Variants in FAM184B observed in about 807,000 individuals in gnomAD.
FAM184B encodes protein FAM184B.
FAM184B carries 111 observed loss-of-function variants against 135.9 expected under a neutral mutation model. The ratio of observed to expected loss-of-function variants is 0.82; its 90% CI spans 0.70 to 0.96. The LOEUF (loss-of-function observed/expected upper bound fraction) is 0.96. Ranked by LOEUF, FAM184B falls within the 40% of genes least tolerant of loss-of-function variation. The pLI, the probability that FAM184B is intolerant of heterozygous loss-of-function variation, is 0.00. For missense variants in FAM184B, 1,375 were observed against 1,323.9 expected (o/e 1.04, Z -0.60); for synonymous variants, 552 against 524.8 (o/e 1.05, Z -0.71).
intron 1 of FAM184B, among the ~76,000 whole-genome samples, chr4:17,765,207 A>G (rs1265519298): frequency 6.6e-6 from 1 of 152,152 alleles, no homozygotes; most frequent in African/African-American, 2.4e-5. Context: ...CCGAGTCAGG[A>G]CCTCAGCACA....
intron 1 of FAM184B, among the ~76,000 whole-genome samples, chr4:17,713,167 C>T (rs949360102): frequency 1.3e-5 from 2 of 152,118 alleles, no homozygotes; most frequent in Admixed American, 1.3e-4. Flanking sequence ...CAAGTGGACA[C>T]TCTAAAAATT....
intron 5 of FAM184B, among the ~76,000 whole-genome samples, chr4:17,694,350 C>T (rs1303995572): frequency 6.6e-6 from 1 of 152,024 alleles, no homozygotes. Flanking sequence ...AGTGAAACCC[C>T]GTCTCCACTA....
chr4:17,703,807 T>C (rs1481391592), intron 5 of FAM184B, among the ~76,000 whole-genome samples: 2 of 151,804 alleles, frequency 1.3e-5, no homozygotes, highest in Admixed American at 6.6e-5. Flanking sequence ...GGCACATGCC[T>C]GTGGTCCCAG....
At chr4:17,654,559 G>T (rs1715738257) in intron 10 of FAM184B, among the ~76,000 whole-genome samples, 1 of 152,254 alleles carries the variant, frequency 6.6e-6, no homozygotes, top group Non-Finnish European at 1.5e-5. Context: ...CTGCAGAGAG[G>T]TGATGGAAGA....
chr4:17,737,992 T>C (rs1717949188), intron 1 of FAM184B, among the ~76,000 whole-genome samples: 2 of 152,136 alleles, frequency 1.3e-5, no homozygotes, highest in Admixed American at 6.6e-5. Context: ...ATATAGACTG[T>C]CAGCTATTTT....
At chr4:17,695,607 G>A (rs1204060801) in intron 5 of FAM184B, among the ~76,000 whole-genome samples, 1 of 152,084 alleles carries the variant, frequency 6.6e-6, no homozygotes, top group African/African-American at 2.4e-5. Context: ...CAGTGCAGCT[G>A]GGAGGAGGGG....
intron 8 of FAM184B, among the ~76,000 whole-genome samples, chr4:17,662,317 A>G (rs996689010): frequency 4.0e-5 from 6 of 150,878 alleles, no homozygotes; most frequent in African/African-American, 1.5e-4. Context: ...AACGTGCCCA[A>G]GGATTTTTGT....
chr4:17,706,125 C>A (rs556241830), intron 3 of FAM184B, among the ~76,000 whole-genome samples: 102 of 152,322 alleles, frequency 6.7e-4, no homozygotes, highest in Non-Finnish European at 1.3e-3. Context: ...TCCTAAATAA[C>A]CTCCAAATCT....
chr4:17,742,168 A>ATATATATATATATTT (rs1459958150), intron 1 of FAM184B, among the ~76,000 whole-genome samples: 2 of 109,296 alleles, frequency 1.8e-5, no homozygotes, highest in African/African-American at 9.6e-5. Context: ...ATATATATAT[A>ATATATATATATATTT]TTTTTTTTTT....
chr4:17,642,635 T>C (rs908996985), intron 12 of FAM184B, among the ~76,000 whole-genome samples: 2 of 152,208 alleles, frequency 1.3e-5, no homozygotes, highest in Non-Finnish European at 2.9e-5. Context: ...AAGCTTTCTC[T>C]AATACCACCA....
intron 13 of FAM184B, 27 bp downstream of exon 13, chr4:17,642,029 G>T (rs1715333853): frequency 2.0e-6 from 3 of 1,511,224 alleles, no homozygotes; most frequent in African/African-American, 2.9e-5. Context: ...AGGGTGGCGC[G>T]GTGGCGGGGC....
At chr4:17,683,713 A>T (rs59112113) in intron 7 of FAM184B, among the ~76,000 whole-genome samples, 80,547 of 151,372 alleles carry the variant, frequency 0.53, 23,377 homozygotes, top group East Asian at 0.82. Flanking sequence ...GTTTGTTTTT[A>T]AAAAAATGAC....
Position 17,647,681 on chromosome 4 carries a change from T to G in FAM184B, c.2302A>C (p.Ser768Arg). The G allele has an allele frequency of 6.4e-7, 1 of 1,550,972 alleles. No individual in the cohort carries two copies. The highest frequency in any genetic ancestry group is 1.4e-5 in the African/African-American group (1 of 73,150). The change falls in exon 12 of 18, where the codon AGC becomes CGC. Residue 768 changes from serine (S) to arginine (R), a missense_variant. Coordinates refer to ENST00000265018, the MANE Select transcript of FAM184B (RefSeq NM_015688.2). Reference protein sequence around the residue: ...LRALGRQQASSQCPGDSKDHI... With the variant: ...LRALGRQQASRQCPGDSKDHI... The stretch of plus-strand genomic sequence containing the variant: ...TCCTTGCTGTCTCCTGGACACTGGC[T>G]GCTGGCTTGCTGTCTGCCCAGAGCC...
Position 17,635,106 on chromosome 4 carries a change from C to T in FAM184B, c.2792G>A (p.Arg931Lys). The T allele has an allele frequency of 6.4e-7, 1 of 1,551,390 alleles. No individual in the cohort carries two copies. Among genetic ancestry groups the T allele is most frequent in the Non-Finnish European group, 8.7e-7 (1 of 1,146,742 alleles). Residue 931 changes from arginine to lysine, a missense_variant, in exon 16 of 18, where the codon AGA becomes AAA. By Grantham distance (26) the Arg-to-Lys change is conservative. Coordinates refer to ENST00000265018, the MANE Select transcript of FAM184B (RefSeq NM_015688.2). ...GGGGAATGCTGCGTAGTGAAATCTT[C>T]TCTCTTCCTAGAAAACCAATACAAC... is the stretch of plus-strand genomic sequence containing the variant. ...EDIIKQLTEE[R>K]RFHYAAFPSA...
chr4:17,634,965 C>G (rs1280650016), intron 16 of FAM184B, 44 bp downstream of exon 16: 1 of 1,391,208 alleles, frequency 7.2e-7, no homozygotes, highest in South Asian at 1.3e-5. Context: ...AAAACGAAAC[C>G]AATGGAATTG....
intron 8 of FAM184B, among the ~76,000 whole-genome samples, chr4:17,663,809 T>G (rs113929633): frequency 6.6e-6 from 1 of 152,106 alleles, no homozygotes; most frequent in Non-Finnish European, 1.5e-5. Context: ...TGGGAGGTGA[T>G]TGGATCATGG....
At chr4:17,730,774 C>A (rs938990253) in intron 1 of FAM184B, among the ~76,000 whole-genome samples, 2 of 152,028 alleles carry the variant, frequency 1.3e-5, no homozygotes, top group South Asian at 4.2e-4. Flanking sequence ...AGGCTTCAGA[C>A]GATCAAACTA....
chr4:17,776,883 T>C (rs986420093), intron 1 of FAM184B, among the ~76,000 whole-genome samples: 1 of 152,120 alleles, frequency 6.6e-6, no homozygotes, highest in Admixed American at 6.5e-5. Flanking sequence ...ACCTGAGAAT[T>C]GGGTGCGTAG....
intron 5 of FAM184B, among the ~76,000 whole-genome samples, chr4:17,693,700 C>A (rs1716790379): frequency 6.6e-6 from 1 of 152,206 alleles, no homozygotes; most frequent in Admixed American, 6.5e-5. Flanking sequence ...GTGTCACATT[C>A]ATTACTAACA....
Sources: gnomAD v4.1 joint callset for allele counts (sites outside exome capture counted in the v4.1 genomes callset) on GRCh38, gnomAD v4.1.1 for gene constraint, MANE v1.5 for transcripts, NCBI Gene and HGNC (gene_info 2026-07-23, HGNC 2026-07-21) for gene names.